The following TNNI3K variants were observed in gnomAD, a reference collection of about 807,000 sequenced individuals.
TNNI3K encodes serine/threonine-protein kinase TNNI3K.
In TNNI3K, 140 loss-of-function variants were observed where a neutral mutation model predicts 114.5. That is an observed-to-expected ratio of 1.22 (90% CI 1.07 to 1.41). The LOEUF is 1.41. Among genes scored for constraint, TNNI3K ranks in the 40% most tolerant of loss-of-function variants. The probability of loss-of-function intolerance (pLI) is 0.00; values close to 1 mark genes in which losing one functional copy is unlikely to be tolerated. For synonymous variants in TNNI3K, 347 were observed against 347.5 expected (o/e 1.00, Z 0.02); for missense variants, 1,125 against 1,007.6 (o/e 1.12, Z -1.58).
At chr1:74,289,484 G>GAGAATTACAGTCC (rs1657543083) in intron 5 of TNNI3K, among the ~76,000 whole-genome samples, 1 of 65,254 alleles carries the variant, frequency 1.5e-5, no homozygotes, top group African/African-American at 5.4e-5. Context: ...CCCATAGGTA[G>GAGAATTACAGTCC]TGTCATTAGT....
intron 21 of TNNI3K, among the ~76,000 whole-genome samples, chr1:74,467,512 T>C (rs961255358): frequency 1.3e-5 from 2 of 151,746 alleles, no homozygotes; most frequent in Non-Finnish European, 2.9e-5. Context: ...AAAAGCCTGA[T>C]ACTAGATAGT....
At chr1:74,468,584 TAA>T (rs1667775609) in intron 21 of TNNI3K, 2 of 152,018 alleles carry the variant, frequency 1.3e-5, no homozygotes, top group Admixed American at 1.3e-4. Context: ...ATAAGAAACT[TAA>T]GTTATTTCCT....
intron 19 of TNNI3K, among the ~76,000 whole-genome samples, chr1:74,437,707 C>T (rs957518009): frequency 2.0e-5 from 3 of 151,766 alleles, no homozygotes; most frequent in Non-Finnish European, 4.4e-5. Context: ...GATCTTTTGG[C>T]AGGACACAAA....
intron 19 of TNNI3K, chr1:74,439,155 T>C (rs1168670883): frequency 5.6e-6 from 1 of 179,152 alleles, no homozygotes; most frequent in Non-Finnish European, 1.2e-5. Context: ...TGTTTATAGA[T>C]TTAAAAAAAT....
intron 5 of TNNI3K, among the ~76,000 whole-genome samples, chr1:74,318,029 A>T (rs1327137429): frequency 6.6e-6 from 1 of 152,148 alleles, no homozygotes; most frequent in Non-Finnish European, 1.5e-5. Flanking sequence ...TAGTTTGCCT[A>T]GGTCTGTCTG....
chr1:74,528,531 A>G (rs1396683261), intron 23 of TNNI3K, among the ~76,000 whole-genome samples: 1 of 152,150 alleles, frequency 6.6e-6, no homozygotes, highest in East Asian at 1.9e-4. Context: ...GGAGATTTGT[A>G]CATTCAGGGA....
intron 4 of TNNI3K, among the ~76,000 whole-genome samples, chr1:74,252,927 T>G (rs1655031093): frequency 6.6e-6 from 1 of 152,160 alleles, no homozygotes; most frequent in South Asian, 2.1e-4. Context: ...GCAGCCTGCT[T>G]TTATTCTCTT....
At chr1:74,322,946 T>C (rs1404393301) in intron 5 of TNNI3K, among the ~76,000 whole-genome samples, 1 of 152,186 alleles carries the variant, frequency 6.6e-6, no homozygotes, top group Non-Finnish European at 1.5e-5. Context: ...CCTAGAAAGA[T>C]CCTTCTAAGA....
chr1:74,463,458 A>C lies in TNNI3K; in HGVS notation c.2029A>C (p.Met677Leu). ...HLKPAAAAADMAYHHIRPPIG... is the reference protein window; with the variant it reads ...HLKPAAAAADLAYHHIRPPIG... Reference sequence around the variant, plus strand: ...GTTTGCAGCGGCTGCGGCAGCAGACATGGCTTACCACCACATCAGACCTCC... The same window carrying C: ...GTTTGCAGCGGCTGCGGCAGCAGACCTGGCTTACCACCACATCAGACCTCC... Residue 677 changes from methionine to leucine, a missense_variant, in exon 21 of 25, where the codon ATG (methionine) becomes CTG (leucine). By Grantham distance (15) the Met-to-Leu change is conservative (BLOSUM62 2). Coordinates refer to ENST00000326637, the MANE Select transcript of TNNI3K (RefSeq NM_015978.3). 4 of 1,614,234 alleles carry C rather than the reference A, an allele frequency of 2.5e-6. No individual in the cohort carries two copies. Among genetic ancestry groups the C allele is most frequent in the Admixed American group, 1.7e-5 (1 of 60,036 alleles).
At chr1:74,511,665 C>T (rs1211457434) in intron 23 of TNNI3K, among the ~76,000 whole-genome samples, 1 of 151,986 alleles carries the variant, frequency 6.6e-6, no homozygotes, top group East Asian at 1.9e-4. Context: ...GGGGAATTCA[C>T]AGTTTAAGGG....
At chr1:74,439,718 A>C in intron 20 of TNNI3K, 96 bp downstream of exon 20, 2 of 1,534,242 alleles carry the variant, frequency 1.3e-6, no homozygotes, top group Non-Finnish European at 1.8e-6. Context: ...GATTAGTCTC[A>C]GTGAGATGGC....
chr1:74,436,301 G>A (rs1422427325), intron 18 of TNNI3K, among the ~76,000 whole-genome samples, 169 bp downstream of exon 18: 1 of 151,818 alleles, frequency 6.6e-6, no homozygotes, highest in African/African-American at 2.4e-5. Context: ...CCTACATTTT[G>A]AAACTCTGTC....
At chr1:74,416,709 A>G (rs1312986149) in intron 17 of TNNI3K, among the ~76,000 whole-genome samples, 4 of 152,034 alleles carry the variant, frequency 2.6e-5, no homozygotes, top group African/African-American at 9.7e-5. Flanking sequence ...TTTCAAGAAT[A>G]ATTTTTGCCC....
intron 20 of TNNI3K, among the ~76,000 whole-genome samples, chr1:74,440,780 A>G (rs1224076346): frequency 3.9e-5 from 6 of 152,112 alleles, no homozygotes; most frequent in African/African-American, 9.7e-5. Context: ...AGCTGTACCA[A>G]CATTGCCATT....
intron 17 of TNNI3K, 85 bp downstream of exon 17, chr1:74,370,477 T>C (rs1662537868): frequency 8.2e-7 from 1 of 1,214,662 alleles, no homozygotes; most frequent in African/African-American, 1.5e-5. Context: ...CATTTTAGAC[T>C]TATTGCAGAT....
intron 5 of TNNI3K, among the ~76,000 whole-genome samples, chr1:74,297,452 G>A (rs1658056479): frequency 6.6e-6 from 1 of 151,974 alleles, no homozygotes; most frequent in Non-Finnish European, 1.5e-5. Context: ...TCTTGGCCAT[G>A]TGAGGAAACC....
At chr1:74,247,906 C>T (rs1327819985) in intron 2 of TNNI3K, among the ~76,000 whole-genome samples, 1 of 152,158 alleles carries the variant, frequency 6.6e-6, no homozygotes, top group Non-Finnish European at 1.5e-5. Flanking sequence ...GCCTGCACTC[C>T]TCAGCCCTTG....
chr1:74,375,470 A>C, intron 17 of TNNI3K: 1 of 430,942 alleles, frequency 2.3e-6, no homozygotes, highest in South Asian at 1.6e-5. Context: ...GGAATCACAT[A>C]GCTGGAGACT....
At chr1:74,336,841 T>G (rs1051830190) in intron 7 of TNNI3K, among the ~76,000 whole-genome samples, 1 of 152,068 alleles carries the variant, frequency 6.6e-6, no homozygotes, top group South Asian at 2.1e-4. Context: ...AGCAGCATGA[T>G]TTATAGTCCT....
Sources: gnomAD v4.1 joint callset for allele counts (sites outside exome capture counted in the v4.1 genomes callset) on GRCh38, gnomAD v4.1.1 for gene constraint, MANE v1.5 for transcripts, NCBI Gene and HGNC (gene_info 2026-07-23, HGNC 2026-07-21) for gene names.